The following CDV3 variants were observed in gnomAD, a reference collection of about 807,000 sequenced individuals.
CDV3 encodes protein CDV3 homolog.
Under a neutral mutation model 24.5 loss-of-function variants are expected in CDV3, and 14 were observed. That is an observed-to-expected ratio of 0.57 (90% CI 0.38 to 0.89). The LOEUF is 0.89. Ranked by LOEUF, CDV3 falls within the 40% of genes least tolerant of loss-of-function variation. CDV3 has a pLI of 0.00. For synonymous variants in CDV3, 114 were observed against 114.1 expected, an observed-to-expected ratio of 1.00 and a Z score of 0.00; for missense variants, 304 against 310.2, an observed-to-expected ratio of 0.98 and a Z score of 0.15.
At chr3:133,586,376 G>A (rs1256594103) in intron 3 of CDV3, among the ~76,000 whole-genome samples, 187 bp from the exon 4 acceptor site, 3 of 152,200 alleles carry the variant, frequency 2.0e-5, no homozygotes, top group East Asian at 3.8e-4. Flanking sequence ...GATTACAGGC[G>A]TGAGCCACCA....
At chr3:133,583,924 A>G in intron 2 of CDV3, 78 bp from the exon 3 acceptor site, 1 of 1,034,670 alleles carries the variant, frequency 9.7e-7, no homozygotes, top group Admixed American at 2.2e-5. Context: ...CGTACAGATA[A>G]TCATGGATAA....
chr3:133,574,410 C>T (rs2074721329), intron 1 of CDV3, 126 bp downstream of exon 1: 9 of 972,588 alleles, frequency 9.3e-6, no homozygotes, highest in Non-Finnish European at 9.8e-6. Flanking sequence ...CGCGGGCCGC[C>T]ACGTGACGCA....
intron 2 of CDV3, among the ~76,000 whole-genome samples, chr3:133,579,695 C>A (rs746162288): frequency 6.6e-6 from 1 of 152,180 alleles, no homozygotes; most frequent in South Asian, 2.1e-4. Context: ...CAAGTTCAAG[C>A]GATTCTCCTG....
chr3:133,575,764 A>G (rs1193699978), intron 2 of CDV3, among the ~76,000 whole-genome samples: 1 of 152,246 alleles, frequency 6.6e-6, no homozygotes, highest in Non-Finnish European at 1.5e-5. Flanking sequence ...GTAATTTTTA[A>G]AAATTGGGTA....
At chr3:133,587,873 T>C in intron 4 of CDV3, 23 bp from the exon 5 acceptor site, 1 of 1,572,608 alleles carries the variant, frequency 6.4e-7, no homozygotes, top group Non-Finnish European at 8.6e-7. Flanking sequence ...AAATATTTAC[T>C]GATTACATTT....
intron 2 of CDV3, among the ~76,000 whole-genome samples, chr3:133,581,333 A>G (rs565549196): frequency 6.6e-6 from 1 of 152,242 alleles, no homozygotes; most frequent in African/African-American, 2.4e-5. Context: ...GCAGTGAGCT[A>G]AGATTGGGCC....
chr3:133,590,256 T>C lies in CDV3; in HGVS notation c.*2210T>C, dbSNP rs1195125166. 6.6e-5 allele frequency: 10 copies of C among 152,286 alleles called. No individual in the cohort carries two copies. In the East Asian group the frequency reaches 1.5e-3, roughly 24 times the overall value. The allele number at this position is 152,286 out of a possible 1,614,324, so 9.4% of individuals were successfully genotyped here. A position where few individuals can be genotyped will look rare whatever the true frequency, so the allele number is the denominator to read the frequency against. On this transcript the variant is annotated 3_prime_UTR_variant, in exon 5 of 5. Coordinates refer to ENST00000264993, the MANE Select transcript of CDV3 (RefSeq NM_017548.5). ...TAACAAATTCAATAAAAAGTAAATA[T>C]ATGGATTTTGGACTGTAATGGTTAT...
Position 133,588,480 on chromosome 3 carries a change from C to T in CDV3, c.*434C>T. The T allele has an allele frequency of 1.0e-6, 1 of 997,408 alleles. No homozygotes were observed. The highest frequency in any genetic ancestry group is 1.5e-6 in the Non-Finnish European group (1 of 670,928). The allele number at this position is 997,408 out of a possible 1,614,324, so 61.8% of individuals were successfully genotyped here. On this transcript the variant is annotated 3_prime_UTR_variant, in exon 5 of 5. Transcript: ENST00000264993. ...GTCGATGTGAACCTTGCAACCAGCT[C>T]TACTGGATTCTTATCAGAAATCCTG...
At chr3:133,587,476 C>T in intron 4 of CDV3, 1 of 1,132,252 alleles carries the variant, frequency 8.8e-7, no homozygotes, top group African/African-American at 1.6e-5. Context: ...AGATCCACTC[C>T]CACAAAATCG....
chr3:133,574,607 G>A (rs183358659), intron 1 of CDV3: 643 of 1,006,186 alleles, frequency 6.4e-4, no homozygotes, highest in Non-Finnish European at 7.1e-4. Flanking sequence ...CGTCTAGGCT[G>A]AGTAATTCCG....
Position 133,588,271 on chromosome 3 carries a change from A to G in CDV3, c.*225A>G. On this transcript the variant is annotated 3_prime_UTR_variant, in exon 5 of 5. Coordinates refer to ENST00000264993, the MANE Select transcript of CDV3 (RefSeq NM_017548.5). The stretch of plus-strand genomic sequence containing the variant: ...CATAAATGTGTGAACTAGTTTCAAC[A>G]GTGTTCTTTCATATTTACTCTGCAA... 2 of 1,541,472 alleles carry G rather than the reference A, an allele frequency of 1.3e-6. No individual in the cohort carries two copies. The highest frequency in any genetic ancestry group is 2.4e-5 in the South Asian group (2 of 83,896).
In CDV3 at chr3:133,584,118, C is replaced by G. The variant is rs376059724; in HGVS notation, c.434C>G (p.Ala145Gly). 11 of 1,612,078 alleles carry G rather than the reference C, an allele frequency of 6.8e-6. No homozygotes were observed. The African/African-American group carries it at 1.3e-4, about 20-fold the overall frequency. Residue 145 changes from alanine to glycine, a missense_variant, in exon 3 of 5, where the codon GCT becomes GGT. Physicochemically the swap from Ala to Gly is moderately conservative, Grantham distance 60 (BLOSUM62 0). Coordinates refer to ENST00000264993, the MANE Select transcript of CDV3 (RefSeq NM_017548.5). ...EKSSGPWNKTAPVQAPPAPVI... is the reference protein window; with the variant it reads ...EKSSGPWNKTGPVQAPPAPVI... ...TCTTCAGGTCCCTGGAATAAAACAG[C>G]TCCAGTACAAGCACCTCCTGCTCCA...
At chr3:133,585,895 T>G (rs1161234706) in intron 3 of CDV3, among the ~76,000 whole-genome samples, 1 of 152,146 alleles carries the variant, frequency 6.6e-6, no homozygotes, top group East Asian at 1.9e-4. Flanking sequence ...AAGAAGTAAT[T>G]CATATTTACT....
rs1488756044 is a variant in CDV3 at position 133,584,089 on chromosome 3, A to C, written c.405A>C (p.Glu135Asp). The stretch of plus-strand genomic sequence containing the variant: ...GTGGAGGTGGTGGTGGAGGTATGGA[A>C]AAATCTTCAGGTCCCTGGAATAAAA... ...EEGGGGGGGMEKSSGPWNKTA... is the reference protein window; with the variant it reads ...EEGGGGGGGMDKSSGPWNKTA... The change falls in exon 3 of 5, where the codon GAA becomes GAC. Residue 135 changes from glutamate (E) to aspartate (D), a missense_variant. By Grantham distance (45) the Glu-to-Asp change is conservative. This residue lies in a region of CDV3 where 219 missense variants were observed against 203.6 expected (regional missense o/e 1.08). Coordinates refer to ENST00000264993, the MANE Select transcript of CDV3 (RefSeq NM_017548.5). The C allele has an allele frequency of 1.2e-6, 2 of 1,612,844 alleles. No homozygotes were observed. Among genetic ancestry groups the C allele is most frequent in the Admixed American group, 3.3e-5 (2 of 60,002 alleles).
At chr3:133,577,322 C>T (rs111895547) in intron 2 of CDV3, among the ~76,000 whole-genome samples, 3,213 of 151,608 alleles carry the variant, frequency 0.021, 107 homozygotes, top group African/African-American at 0.073. Context: ...TTCTATTTCT[C>T]GGTATACTGA....
At chr3:133,579,750 G>A (rs1156565698) in intron 2 of CDV3, among the ~76,000 whole-genome samples, 2 of 152,042 alleles carry the variant, frequency 1.3e-5, no homozygotes, top group Admixed American at 1.3e-4. Flanking sequence ...GTGCCACCAC[G>A]CCTAGCTAAT....
Position 133,573,936 on chromosome 3 carries a change from C to T in CDV3, c.-109C>T. The T allele has an allele frequency of 3.2e-6, 3 of 925,434 alleles. No homozygotes were observed. The highest frequency in any genetic ancestry group is 3.9e-6 in the Non-Finnish European group (3 of 774,690). 57.3% of individuals were successfully genotyped at this position (925,434 alleles called of 1,614,324 possible). A position where few individuals can be genotyped will look rare whatever the true frequency, so the allele number is the denominator to read the frequency against. ...CGGCGACCCCGCGGGGCTGAGGCGT[C>T]GCCGCGCCCGGCAGCGTGAGCGCAG... On this transcript the variant is annotated 5_prime_UTR_variant, in exon 1 of 5. Transcript: ENST00000264993.
chr3:133,587,290 G>GT, intron 4 of CDV3: 4 of 1,265,816 alleles, frequency 3.2e-6, no homozygotes, highest in Non-Finnish European at 4.0e-6. Context: ...ATGGAAATGT[G>GT]TTTTTTGGGG....
intron 1 of CDV3, 188 bp downstream of exon 1, chr3:133,574,472 C>T (rs1444057155): frequency 6.1e-6 from 6 of 986,312 alleles, no homozygotes; most frequent in African/African-American, 5.2e-5. Context: ...TTCCGATATC[C>T]GCGGTGGAGC....
Sources: allele counts gnomAD v4.1 joint callset (sites outside exome capture counted in the v4.1 genomes callset), GRCh38; gene constraint gnomAD v4.1.1; regional missense constraint gnomAD v4.1.1; transcripts MANE v1.5; gene names NCBI Gene and HGNC (gene_info 2026-07-23, HGNC 2026-07-21).